The following CDH4 variants were observed in gnomAD, a reference collection of about 807,000 sequenced individuals.
CDH4 encodes cadherin 4.
CDH4 carries 33 observed loss-of-function variants against 86.0 expected under a neutral mutation model. The observed-to-expected ratio is 0.38, with a 90% CI of 0.29 to 0.51. CDH4 has a LOEUF of 0.51. Among genes scored for constraint, CDH4 ranks in the 20% least tolerant of loss-of-function variants. The pLI is 0.86. For synonymous variants in CDH4, 555 were observed against 549.4 expected (o/e 1.01, Z -0.14); for missense variants, 1,114 against 1,307.4 (o/e 0.85, Z 2.28).
At chr20:61,292,905 G>A (rs1456462555) in intron 2 of CDH4, among the ~76,000 whole-genome samples, 1 of 152,212 alleles carries the variant, frequency 6.6e-6, no homozygotes, top group African/African-American at 2.4e-5. Flanking sequence ...CTGTGCCCTA[G>A]GAGGGAGGAA....
At position 61,514,043 on chromosome 20, in the gene CDH4, C is replaced by T. The variant is rs114643139; in HGVS notation, c.170-229520C>T. ...GCTTACAAGCAAGAGTTTTTAAAGGCAGGGGCACGTCTCAGGAAGGCAGAA... is the reference window on the plus strand; with the variant it reads ...GCTTACAAGCAAGAGTTTTTAAAGGTAGGGGCACGTCTCAGGAAGGCAGAA... On this transcript the variant is annotated intron_variant, in intron 2 of 15. Coordinates refer to ENST00000614565, the MANE Select transcript of CDH4 (RefSeq NM_001794.5). 3.1e-3 allele frequency among the ~76,000 whole-genome samples: 470 copies of T among 152,354 alleles called. 2 individuals carry two copies. The highest frequency in any genetic ancestry group is 0.011 in the African/African-American group (448 of 41,588).
chr20:61,815,058 T>C (rs1054367262), intron 4 of CDH4, among the ~76,000 whole-genome samples: 6 of 152,256 alleles, frequency 3.9e-5, no homozygotes, highest in African/African-American at 1.4e-4. Flanking sequence ...ACCTCTGAAA[T>C]CATTGAATAG....
chr20:61,458,313 T>C (rs1338750759), intron 2 of CDH4, among the ~76,000 whole-genome samples: 5 of 151,408 alleles, frequency 3.3e-5, no homozygotes, highest in Non-Finnish European at 7.4e-5. Context: ...CTGACACTAG[T>C]GGTGGTGATG....
At chr20:61,497,976 A>T (rs1407610420) in intron 2 of CDH4, among the ~76,000 whole-genome samples, 2 of 147,628 alleles carry the variant, frequency 1.4e-5, no homozygotes, top group Admixed American at 7.0e-5. Flanking sequence ...CAAACACCGC[A>T]TGTTCTCACT....
chr20:61,686,429 GTA>G (rs1491086102), intron 2 of CDH4, among the ~76,000 whole-genome samples: 1 of 151,066 alleles, frequency 6.6e-6, no homozygotes, highest in South Asian at 2.1e-4. Context: ...ATTTGCGTGT[GTA>G]TGTGCGTGTG....
In CDH4 at chr20:61,565,334, G is replaced by GGGTGA. The variant is rs1179664443; in HGVS notation, c.170-178229_170-178228insGGTGA. The stretch of plus-strand genomic sequence containing the variant: ...GGTGGTGGCGGTGCTCTTGGTGATG[G>GGGTGA]TGGTAGTGGTCCTCTTGGTGATGGG... On this transcript the variant is annotated intron_variant, in intron 2 of 15. Coordinates refer to ENST00000614565, the MANE Select transcript of CDH4 (RefSeq NM_001794.5). 5.6e-4 allele frequency among the ~76,000 whole-genome samples: 42 copies of GGGTGA among 75,540 alleles called. 7 individuals carry two copies. Among genetic ancestry groups the GGGTGA allele is most frequent in the Admixed American group, 1.2e-3 (9 of 7,304 alleles). The allele number at this position is 75,540 out of a possible 152,430, so 49.6% of individuals were successfully genotyped here. A position where few individuals can be genotyped will look rare whatever the true frequency, so the allele number is the denominator to read the frequency against.
rs1183409896 is a variant in CDH4 at position 61,252,980 on chromosome 20, C to T, written c.57+410C>T. Among the ~76,000 whole-genome samples the T allele has an allele frequency of 6.6e-6, 1 of 151,772 alleles. No individual in the cohort carries two copies. Among genetic ancestry groups the T allele is most frequent in the Non-Finnish European group, 1.5e-5 (1 of 67,910 alleles). On this transcript the variant is annotated intron_variant, in intron 1 of 15. Coordinates refer to ENST00000614565, the MANE Select transcript of CDH4 (RefSeq NM_001794.5). The surrounding 1 kb of genome is among the most constrained non-coding windows in gnomAD (Gnocchi z 4.4). The stretch of plus-strand genomic sequence containing the variant: ...CCGCGGGAGTTGCCGAGCCCAGCCC[C>T]GGCCGTGGCTGAAGGCGTGGGGCGC...
chr20:61,812,482 C>T (rs1044419207), intron 4 of CDH4, among the ~76,000 whole-genome samples: 2 of 152,122 alleles, frequency 1.3e-5, no homozygotes, highest in African/African-American at 4.8e-5. Flanking sequence ...GGCCTGGTAC[C>T]GACTGCACCA....
At chr20:61,670,038 T>G (rs1468929449) in intron 2 of CDH4, among the ~76,000 whole-genome samples, 1 of 152,160 alleles carries the variant, frequency 6.6e-6, no homozygotes, top group Non-Finnish European at 1.5e-5. Context: ...GTATGAGGAA[T>G]GCATGACCCC....
At chr20:61,601,989 C>T (rs1463372909) in intron 2 of CDH4, among the ~76,000 whole-genome samples, 4 of 152,328 alleles carry the variant, frequency 2.6e-5, no homozygotes, top group East Asian at 3.9e-4. Context: ...CCCACAGTGC[C>T]GCCCAGAGCC....
Position 61,663,751 on chromosome 20 carries a change from G to A in CDH4, c.170-79812G>A, listed in dbSNP as rs1194623533. On this transcript the variant is annotated intron_variant, in intron 2 of 15. Coordinates refer to ENST00000614565, the MANE Select transcript of CDH4 (RefSeq NM_001794.5). This position sits in a 1 kb window ranked among gnomAD's most constrained non-coding sequence, Gnocchi z 5.0. ...AGGCAGGGCTGACAGACGCGGGGTC[G>A]GGGGAAGATCAGGAGCTCCCGGTGT... 6.6e-6 allele frequency among the ~76,000 whole-genome samples: 1 copy of A among 152,092 alleles called. No homozygotes were observed. Among genetic ancestry groups the A allele is most frequent in the East Asian group, 1.9e-4 (1 of 5,172 alleles).
chr20:61,826,382 C>G (rs1375319580), intron 4 of CDH4, among the ~76,000 whole-genome samples: 1 of 152,252 alleles, frequency 6.6e-6, no homozygotes, highest in African/African-American at 2.4e-5. Context: ...ATGCTCTTGC[C>G]TCAACACCCA....
At chr20:61,699,535 T>C (rs530459028) in intron 2 of CDH4, among the ~76,000 whole-genome samples, 1 of 152,244 alleles carries the variant, frequency 6.6e-6, no homozygotes, top group Non-Finnish European at 1.5e-5. Flanking sequence ...TCCGAGTTGT[T>C]GTCCACTCGA....
intron 2 of CDH4, among the ~76,000 whole-genome samples, chr20:61,692,280 T>A (rs1277286213): frequency 6.6e-6 from 1 of 152,018 alleles, no homozygotes; most frequent in African/African-American, 2.4e-5. Flanking sequence ...TGTCTTTGTG[T>A]GTGTGTGTGT....
At chr20:61,701,493 G>A (rs1439024656) in intron 2 of CDH4, among the ~76,000 whole-genome samples, 5 of 152,230 alleles carry the variant, frequency 3.3e-5, no homozygotes, top group Admixed American at 3.3e-4. Context: ...GCAGCTGGCA[G>A]TGCCATGGCC....
intron 2 of CDH4, among the ~76,000 whole-genome samples, chr20:61,326,819 C>T (rs1381025995): frequency 1.3e-5 from 2 of 152,164 alleles, no homozygotes; most frequent in African/African-American, 4.8e-5. Context: ...ATAGAAGGCA[C>T]TGGTAAATGC....
intron 2 of CDH4, among the ~76,000 whole-genome samples, chr20:61,331,939 G>A (rs1019418906): frequency 6.6e-6 from 1 of 152,170 alleles, no homozygotes; most frequent in Non-Finnish European, 1.5e-5. Flanking sequence ...CTCTTCCAAG[G>A]GAGGTCGCCT....
At chr20:61,253,488 G>A (rs1371206071) in intron 1 of CDH4, among the ~76,000 whole-genome samples, 2 of 152,052 alleles carry the variant, frequency 1.3e-5, no homozygotes, top group African/African-American at 4.8e-5. Context: ...CTTCTCCCGG[G>A]CAGCGCTGTT....
rs1183821551 is a variant in CDH4, at chr20:61,565,166, GA to G, written c.170-178396del. ...TGGTGTTGGTAGTGGTCCTCTTGGT[GA>G]TGGGGTGGTGGTGGTGGTGGTCCTC... On this transcript the variant is annotated intron_variant, in intron 2 of 15. Transcript: ENST00000614565. Among the ~76,000 whole-genome samples, 66 of 126,836 alleles carry G rather than the reference GA, an allele frequency of 5.2e-4. 11 individuals are homozygous for G. Among genetic ancestry groups the G allele is most frequent in the African/African-American group, 1.4e-3 (46 of 33,562 alleles). 83.2% of individuals were successfully genotyped at this position (126,836 alleles called of 152,430 possible).
Sources: gnomAD v4.1 joint callset for allele counts (sites outside exome capture counted in the v4.1 genomes callset) on GRCh38, gnomAD v4.1.1 for gene constraint, Gnocchi (gnomAD v3.1) non-coding constraint, MANE v1.5 for transcripts, NCBI Gene and HGNC (gene_info 2026-07-23, HGNC 2026-07-21) for gene names.